CNTNAP2: variants seen among roughly 807,000 people sequenced by gnomAD.
The protein encoded by CNTNAP2 is contactin-associated protein-like 2.
Under a neutral mutation model 155.2 loss-of-function variants are expected in CNTNAP2, and 98 were observed. That is an observed-to-expected ratio of 0.63 (90% confidence interval 0.54 to 0.75). The LOEUF (loss-of-function observed/expected upper bound fraction) is 0.75. Among genes scored for constraint, CNTNAP2 ranks in the 30% least tolerant of loss-of-function variants. The pLI, the probability that CNTNAP2 is intolerant of heterozygous loss-of-function variation, is 0.00. For synonymous variants in CNTNAP2, 651 were observed against 631.2 expected (o/e 1.03, Z -0.47); for missense variants, 1,727 against 1,688.1 (o/e 1.02, Z -0.40).
intron 7 of CNTNAP2, among the ~76,000 whole-genome samples, chr7:147,129,289 A>G (rs778000767): frequency 4.6e-5 from 7 of 152,176 alleles, no homozygotes; most frequent in Non-Finnish European, 7.4e-5. Context: ...GAATATGTAA[A>G]TAAATACACT....
intron 15 of CNTNAP2, among the ~76,000 whole-genome samples, chr7:147,990,531 C>A (rs1458505397): frequency 6.6e-6 from 1 of 151,820 alleles, no homozygotes; most frequent in Non-Finnish European, 1.5e-5. Context: ...GCCTCTCTGG[C>A]CAGAGGGGAG....
chr7:148,065,958 C>G (rs899199948), intron 15 of CNTNAP2, among the ~76,000 whole-genome samples: 1 of 152,158 alleles, frequency 6.6e-6, no homozygotes, highest in African/African-American at 2.4e-5. Context: ...CTCCTTGTAG[C>G]AATTCTTGTA....
chr7:147,016,106 A>G (rs554630452), intron 3 of CNTNAP2, among the ~76,000 whole-genome samples: 17 of 152,246 alleles, frequency 1.1e-4, no homozygotes, highest in Admixed American at 6.6e-4. Context: ...TCTGAGTTCT[A>G]GGAGATTGAA....
At chr7:146,911,549 T>C (rs553249243) in intron 3 of CNTNAP2, among the ~76,000 whole-genome samples, 2 of 150,638 alleles carry the variant, frequency 1.3e-5, no homozygotes, top group African/African-American at 4.9e-5. Flanking sequence ...AGTAAACTAT[T>C]GCAAGAACAA....
In CNTNAP2 at chr7:147,414,744, A is replaced by G. The variant is rs528735209; in HGVS notation, c.1670+18964A>G. ...ATCACGAGGTCAGGAGATCGAGACTATCCTGGCTAACAAGGTGAAACCCCG... is the reference window on the plus strand; with the variant it reads ...ATCACGAGGTCAGGAGATCGAGACTGTCCTGGCTAACAAGGTGAAACCCCG... On this transcript the variant is annotated intron_variant, in intron 10 of 23. Coordinates refer to ENST00000361727, the MANE Select transcript of CNTNAP2 (RefSeq NM_014141.6). Among the ~76,000 whole-genome samples, 113 of 152,096 alleles carry G rather than the reference A, an allele frequency of 7.4e-4. No individual in the cohort carries two copies. The Middle Eastern group carries it at 0.01, about 14-fold the overall frequency.
chr7:147,803,651 C>G (rs571756537), intron 13 of CNTNAP2, among the ~76,000 whole-genome samples: 1 of 152,308 alleles, frequency 6.6e-6, no homozygotes, highest in African/African-American at 2.4e-5. Context: ...CTCCACCTGG[C>G]TCTGGAAGGC....
At chr7:146,532,995 A>C (rs571600364) in intron 1 of CNTNAP2, among the ~76,000 whole-genome samples, 1 of 151,152 alleles carries the variant, frequency 6.6e-6, no homozygotes, top group African/African-American at 2.4e-5. Context: ...CCAGCTACTC[A>C]GGAGGCTGAG....
intron 1 of CNTNAP2, among the ~76,000 whole-genome samples, chr7:146,346,607 G>A (rs1047916920): frequency 3.3e-5 from 5 of 152,062 alleles, no homozygotes; most frequent in South Asian, 2.1e-4. Context: ...GCTTGAGCCC[G>A]GGAGGCAAAG....
At chr7:148,076,827 C>T (rs1420089488) in intron 15 of CNTNAP2, among the ~76,000 whole-genome samples, 2 of 152,074 alleles carry the variant, frequency 1.3e-5, no homozygotes, top group Admixed American at 6.6e-5. Flanking sequence ...CCTCTGCCTC[C>T]TACCAAATGT....
chr7:148,389,561 TTACTC>T (rs1468938175), intron 22 of CNTNAP2: 2 of 152,188 alleles, frequency 1.3e-5, no homozygotes, highest in African/African-American at 2.4e-5. Flanking sequence ...TGCTTTCACT[TTACTC>T]TATGGATGCA....
At chr7:147,851,796 A>G (rs561707513) in intron 13 of CNTNAP2, among the ~76,000 whole-genome samples, 2,418 of 151,724 alleles carry the variant, frequency 0.016, 60 homozygotes, top group African/African-American at 0.055. Flanking sequence ...GCATTAGGAG[A>G]TATACCTAAT....
At chr7:147,669,845 C>A (rs111646307) in intron 13 of CNTNAP2, among the ~76,000 whole-genome samples, 1 of 152,184 alleles carries the variant, frequency 6.6e-6, no homozygotes, top group Non-Finnish European at 1.5e-5. Flanking sequence ...AATATTTATT[C>A]GCTACCATAA....
At chr7:146,185,156 A>G (rs564111501) in intron 1 of CNTNAP2, among the ~76,000 whole-genome samples, 1 of 152,290 alleles carries the variant, frequency 6.6e-6, no homozygotes, top group South Asian at 2.1e-4. Context: ...TCTAGTCTAA[A>G]CATAACACAT....
chr7:146,603,593 A>G (rs1798987746), intron 1 of CNTNAP2, among the ~76,000 whole-genome samples: 1 of 150,680 alleles, frequency 6.6e-6, no homozygotes, highest in Non-Finnish European at 1.5e-5. Flanking sequence ...ATATGGAACC[A>G]AAAAAGAGCC....
intron 21 of CNTNAP2, among the ~76,000 whole-genome samples, chr7:148,273,150 G>A (rs142124001): frequency 2.5e-4 from 38 of 152,286 alleles, no homozygotes; most frequent in Non-Finnish European, 4.4e-4. Flanking sequence ...AAGGCTAAAC[G>A]GAAATGTGCC....
chr7:146,152,022 CA>C (rs1480408386), intron 1 of CNTNAP2, among the ~76,000 whole-genome samples: 1 of 151,236 alleles, frequency 6.6e-6, no homozygotes, highest in African/African-American at 2.4e-5. Flanking sequence ...AGTATATAGT[CA>C]AAGGAAATAA....
At chr7:146,726,291 A>C (rs1801429820) in intron 1 of CNTNAP2, among the ~76,000 whole-genome samples, 1 of 152,186 alleles carries the variant, frequency 6.6e-6, no homozygotes, top group Non-Finnish European at 1.5e-5. Context: ...ATATTTAAAC[A>C]CTTTATGATT....
intron 15 of CNTNAP2, among the ~76,000 whole-genome samples, chr7:148,075,083 A>AT (rs1303288797): frequency 1.3e-5 from 2 of 152,140 alleles, no homozygotes; most frequent in African/African-American, 2.4e-5. Flanking sequence ...AACTGTCAAT[A>AT]TTTTTACCTT....
At chr7:146,170,937 G>A (rs2116818587) in intron 1 of CNTNAP2, among the ~76,000 whole-genome samples, 1 of 152,254 alleles carries the variant, frequency 6.6e-6, no homozygotes, top group East Asian at 1.9e-4. Flanking sequence ...TCAGGGAGGA[G>A]AATCGCATGA....
Sources: gnomAD v4.1 joint callset for allele counts (sites outside exome capture counted in the v4.1 genomes callset) on GRCh38, gnomAD v4.1.1 for gene constraint, MANE v1.5 for transcripts, NCBI Gene and HGNC (gene_info 2026-07-23, HGNC 2026-07-21) for gene names.